Variants in FNDC8 observed in about 807,000 individuals in gnomAD.
FNDC8 encodes the protein fibronectin type III domain containing 8.
Under a neutral mutation model 24.8 loss-of-function variants are expected in FNDC8, and 23 were observed. The observed-to-expected ratio is 0.93, with a 90% CI of 0.67 to 1.31. The LOEUF is 1.31. Among genes scored for constraint, FNDC8 ranks in the 40% most tolerant of loss-of-function variants. The pLI is 0.00. For missense variants in FNDC8, 371 were observed against 398.2 expected, an observed-to-expected ratio of 0.93 and a Z score of 0.58; for synonymous variants, 158 against 165.3, an observed-to-expected ratio of 0.96 and a Z score of 0.34.
chr17:35,124,018 A>C (rs990860862), intron 1 of FNDC8, among the ~76,000 whole-genome samples: 1 of 152,246 alleles, frequency 6.6e-6, no homozygotes, highest in Non-Finnish European at 1.5e-5. Context: ...TGGGGGAATC[A>C]TTTATTCCAA....
rs762044941 is a variant in FNDC8 at position 35,127,048 on chromosome 17, G to A, written c.216G>A (p.Pro72=). Residue 72 remains proline (P), a synonymous_variant, in exon 2 of 4, where the codon CCG becomes CCA. Coordinates refer to ENST00000158009, the MANE Select transcript of FNDC8 (RefSeq NM_017559.4). ...GTCTCCCCTTTTGCTCCAGGAAGCC[G>A]CTGCCAGTAGAGGATTCAGACTGCA... ...LEDDTINLLK[P]LPVEDSDCSS... is the part of the protein sequence containing the mutation. The A allele has an allele frequency of 2.9e-5, 46 of 1,577,802 alleles. No individual in the cohort carries two copies. The highest frequency in any genetic ancestry group is 4.6e-5 in the South Asian group (4 of 87,896).
At position 35,129,559 on chromosome 17, in the gene FNDC8, T is replaced by G; in HGVS notation, c.723T>G (p.Thr241=). ...GGATCTTCAACAAGATTTTGGGCAC[T>G]ACTGTCAAGCTGATGGAGCTAAAGC... The part of the protein sequence containing the change: ...RPWIFNKILG[T]TVKLMELKPN... The change falls in exon 3 of 4, where the codon ACT becomes ACG. Residue 241 remains threonine, a synonymous_variant. Coordinates refer to ENST00000158009, the MANE Select transcript of FNDC8 (RefSeq NM_017559.4). 3 of 1,614,200 alleles carry G rather than the reference T, an allele frequency of 1.9e-6. No individual in the cohort carries two copies. The highest frequency in any genetic ancestry group is 2.5e-6 in the Non-Finnish European group (3 of 1,180,028).
chr17:35,124,607 G>A (rs921626320), intron 1 of FNDC8, among the ~76,000 whole-genome samples: 1 of 152,066 alleles, frequency 6.6e-6, no homozygotes, highest in Non-Finnish European at 1.5e-5. Flanking sequence ...AGTAAGTGTT[G>A]GTCTGTGAAA....
intron 1 of FNDC8, among the ~76,000 whole-genome samples, 179 bp downstream of exon 1, chr17:35,122,081 C>T (rs1411469780): frequency 7.7e-6 from 1 of 129,384 alleles, no homozygotes; most frequent in Admixed American, 8.1e-5. Flanking sequence ...AATTCTTGAG[C>T]TCAAGTGATC....
chr17:35,130,226 A>C (rs1281615383), intron 3 of FNDC8, 56 bp from the exon 4 acceptor site: 29 of 1,586,554 alleles, frequency 1.8e-5, no homozygotes, highest in Admixed American at 1.1e-4. Flanking sequence ...AGACAGAGAG[A>C]GAGCCAGGTT....
chr17:35,129,454 G>A lies in FNDC8; in HGVS notation c.618G>A (p.Pro206=), dbSNP rs199964483. 4.4e-4 allele frequency: 703 copies of A among 1,613,952 alleles called. 2 individuals carry two copies. Among genetic ancestry groups the A allele is most frequent in the Non-Finnish European group, 5.4e-4 (637 of 1,179,968 alleles). ...GGACCTACGCCTTGGGCAAGCAGCCGGTCAGTTTCTACCAGCTCCTGTTAC... is the reference window on the plus strand; with the variant it reads ...GGACCTACGCCTTGGGCAAGCAGCCAGTCAGTTTCTACCAGCTCCTGTTAC... The part of the protein sequence containing the change: ...ISWTYALGKQ[P]VSFYQLLLQE... The change falls in exon 3 of 4, where the codon CCG becomes CCA. Residue 206 remains proline, a synonymous_variant. Transcript: ENST00000158009.
rs1234176447 is a variant in FNDC8 at position 35,121,975 on chromosome 17, CTTCCTTCCTTCCT to C, written c.209+76_209+88del. 1.0e-5 allele frequency: 10 copies of C among 998,738 alleles called. No individual in the cohort carries two copies. The African/African-American group carries it at 2.2e-4, about 22-fold the overall frequency. 61.9% of individuals were successfully genotyped at this position (998,738 alleles called of 1,614,324 possible). On this transcript the variant is annotated intron_variant, in intron 1 of 3. Coordinates refer to ENST00000158009, the MANE Select transcript of FNDC8 (RefSeq NM_017559.4). ...CCTTCCTCCCTTCCTTCCTCCCTTCCTTCCTTCCTTCCTTTTTTTTTTTTTTTTTGACAGGATC... is the reference window on the plus strand; with the variant it reads ...CCTTCCTCCCTTCCTTCCTCCCTTCCTTTTTTTTTTTTTTTTGACAGGATC...
chr17:35,129,804 A>G lies in FNDC8; in HGVS notation c.822+146A>G. On this transcript the variant is annotated intron_variant, in intron 3 of 3. Transcript: ENST00000158009. ...GCCTGGGTCAAGAAGCATCAATTCC[A>G]GAATGCATGCTTCTGGGAGGTTTAA... 6 of 1,446,218 alleles carry G rather than the reference A, an allele frequency of 4.1e-6. No homozygotes were observed. In the South Asian group the frequency reaches 8.8e-5, roughly 21 times the overall value. The allele number at this position is 1,446,218 out of a possible 1,614,324, so 89.6% of individuals were successfully genotyped here.
intron 2 of FNDC8, among the ~76,000 whole-genome samples, chr17:35,128,459 CAA>C (rs905467902): frequency 2.6e-5 from 4 of 152,182 alleles, no homozygotes; most frequent in African/African-American, 9.7e-5. Flanking sequence ...TCTGCAGTTA[CAA>C]AATCTCCCTG....
chr17:35,125,302 G>A (rs1415756846), intron 1 of FNDC8, among the ~76,000 whole-genome samples: 7 of 151,806 alleles, frequency 4.6e-5, no homozygotes, highest in Non-Finnish European at 8.8e-5. Context: ...AGCTAGACAT[G>A]GTGATGTGCA....
chr17:35,129,012 T>C (rs1414511323), intron 2 of FNDC8: 3 of 185,030 alleles, frequency 1.6e-5, no homozygotes, highest in Non-Finnish European at 3.5e-5. Context: ...TCTGCTGATC[T>C]GACAGGAGGC....
Position 35,129,436 on chromosome 17 carries a change from C to T in FNDC8, c.600C>T (p.Tyr200=), listed in dbSNP as rs769447031. 2.2e-5 allele frequency: 36 copies of T among 1,613,864 alleles called. No homozygotes were observed. The highest frequency in any genetic ancestry group is 3.3e-5 in the South Asian group (3 of 91,078). ...TCTTCCCCTAGATTTCCTGGACCTA[C>T]GCCTTGGGCAAGCAGCCGGTCAGTT... The part of the protein sequence containing the change: ...NNSTAVISWT[Y]ALGKQPVSFY... Residue 200 remains tyrosine, a synonymous_variant, in exon 3 of 4, where the codon TAC becomes TAT. Transcript: ENST00000158009.
intron 2 of FNDC8, chr17:35,129,116 C>T: frequency 3.3e-6 from 1 of 305,434 alleles, no homozygotes; most frequent in African/African-American, 2.1e-5. Flanking sequence ...GCTGTGCTAT[C>T]CAGTTCCTAA....
intron 1 of FNDC8, among the ~76,000 whole-genome samples, chr17:35,123,107 C>T (rs753369244): frequency 1.1e-4 from 17 of 152,184 alleles, no homozygotes; most frequent in Non-Finnish European, 2.2e-4. Flanking sequence ...TCACCCACCA[C>T]ATGGGTGAAT....
rs1366742793 is a variant in FNDC8 at position 35,130,385 on chromosome 17, CGGA to C, written c.931_933del (p.Glu311del). The C allele has an allele frequency of 1.2e-6, 2 of 1,614,120 alleles. No individual in the cohort carries two copies. Among genetic ancestry groups the C allele is most frequent in the Non-Finnish European group, 1.7e-6 (2 of 1,179,990 alleles). ...CGGCAAAAGATCGTGTCCATCGGGC[CGGA>C]GGAGATGCGGAGGCTGGAGGATCTG... On this transcript the variant is annotated inframe_deletion, in exon 4 of 4. Transcript: ENST00000158009.
At chr17:35,129,163 T>A (rs2091861345) in intron 2 of FNDC8, 3 of 418,794 alleles carry the variant, frequency 7.2e-6, no homozygotes, top group Non-Finnish European at 1.3e-5. Flanking sequence ...GGCCCAAGGG[T>A]TGAGGACCCC....
At chr17:35,126,464 GT>G (rs1483218427) in intron 1 of FNDC8, among the ~76,000 whole-genome samples, 1 of 147,494 alleles carries the variant, frequency 6.8e-6, no homozygotes, top group Non-Finnish European at 1.5e-5. Flanking sequence ...TTAAATTGTG[GT>G]TTGCAGAACA....
intron 2 of FNDC8, among the ~76,000 whole-genome samples, chr17:35,128,029 G>C (rs1041169005): frequency 5.9e-5 from 9 of 152,358 alleles, no homozygotes; most frequent in Non-Finnish European, 1.3e-4. Flanking sequence ...GAAGACAGGG[G>C]ACAGGATGGG....
chr17:35,130,123 A>C, intron 3 of FNDC8, 159 bp from the exon 4 acceptor site: 1 of 1,441,732 alleles, frequency 6.9e-7, no homozygotes, highest in Middle Eastern at 2.0e-4. Context: ...GGCTTGAGTC[A>C]TGCATCTTTG....
Sources: gnomAD v4.1 joint callset for allele counts (sites outside exome capture counted in the v4.1 genomes callset) on GRCh38, gnomAD v4.1.1 for gene constraint, MANE v1.5 for transcripts, NCBI Gene and HGNC (gene_info 2026-07-23, HGNC 2026-07-21) for gene names.